The following GRK4 variants were observed in gnomAD, a reference collection of about 807,000 sequenced individuals.
GRK4 encodes G protein-coupled receptor kinase 4, also known as G protein-coupled receptor kinase 2-like.
In GRK4, 73 loss-of-function variants were observed where a neutral mutation model predicts 77.9. That is an observed-to-expected ratio of 0.94 (90% confidence interval 0.78 to 1.14). GRK4 has a LOEUF of 1.14. Among genes scored for constraint, GRK4 ranks in the 50% most tolerant of loss-of-function variants. GRK4 has a pLI of 0.00. For missense variants in GRK4, 729 were observed against 700.2 expected (o/e 1.04, Z -0.46); for synonymous variants, 257 against 254.4 (o/e 1.01, Z -0.10).
intron 6 of GRK4, 48 bp downstream of exon 6, chr4:3,007,876 G>A (rs1731764472): frequency 1.6e-6 from 2 of 1,272,848 alleles, no homozygotes; most frequent in African/African-American, 2.9e-5. Flanking sequence ...GGTGGCACAT[G>A]CCTGTAGTCC....
intron 1 of GRK4, among the ~76,000 whole-genome samples, chr4:2,970,349 T>C (rs1295137547): frequency 6.6e-6 from 1 of 152,188 alleles, no homozygotes; most frequent in African/African-American, 2.4e-5. Context: ...AAAATATCTA[T>C]ACCACTGATA....
rs1241071067 is a variant in GRK4, at chr4:2,994,582, A to G, written c.339+2290A>G. Among the ~76,000 whole-genome samples, 5 of 152,312 alleles carry G rather than the reference A, an allele frequency of 3.3e-5. No homozygotes were observed. In the South Asian group the frequency reaches 1.0e-3, roughly 32 times the overall value. On this transcript the variant is annotated intron_variant, in intron 4 of 15. Coordinates refer to ENST00000398052, the MANE Select transcript of GRK4 (RefSeq NM_182982.3). Reference sequence around the variant, plus strand: ...CTTCACCTCTTCTGAAGAAATACCCATATAGCAAGGGAGGGCATCAAGAAG... The same window carrying G: ...CTTCACCTCTTCTGAAGAAATACCCGTATAGCAAGGGAGGGCATCAAGAAG...
At chr4:2,967,859 C>T (rs1279062895) in intron 1 of GRK4, among the ~76,000 whole-genome samples, 1 of 151,992 alleles carries the variant, frequency 6.6e-6, no homozygotes, top group Non-Finnish European at 1.5e-5. Flanking sequence ...ATCGTGATCT[C>T]GGCTCACTGC....
chr4:3,026,230 C>T (rs748380249), intron 10 of GRK4, among the ~76,000 whole-genome samples: 3 of 152,212 alleles, frequency 2.0e-5, no homozygotes, highest in Non-Finnish European at 2.9e-5. Flanking sequence ...CAGCAGTGCA[C>T]GAGAGCACCT....
Position 2,964,152 on chromosome 4 carries a change from C to A in GRK4, c.52+30C>A, listed in dbSNP as rs749327248. ...GTGCGCGGCAGGCGCCCCCGACCCC[C>A]CCCCCAGAGAACCCCGAATCCCGGG... On this transcript the variant is annotated intron_variant, in intron 1 of 15. Coordinates refer to ENST00000398052, the MANE Select transcript of GRK4 (RefSeq NM_182982.3). The A allele has an allele frequency of 3.8e-6, 6 of 1,559,744 alleles. No homozygotes were observed. In the East Asian group the frequency reaches 6.9e-5, roughly 18 times the overall value.
intron 1 of GRK4, among the ~76,000 whole-genome samples, chr4:2,984,109 C>T (rs1723583704): frequency 6.6e-6 from 1 of 152,168 alleles, no homozygotes; most frequent in Non-Finnish European, 1.5e-5. Flanking sequence ...ATATCACTCC[C>T]TCACTTAGAA....
intron 3 of GRK4, among the ~76,000 whole-genome samples, chr4:2,991,164 C>T (rs532560590): frequency 1.8e-4 from 28 of 152,100 alleles, no homozygotes; most frequent in Non-Finnish European, 4.0e-4. Flanking sequence ...TAGGGCGGAC[C>T]GTCAGAAGGG....
chr4:3,003,299 C>T (rs535503457), intron 4 of GRK4, among the ~76,000 whole-genome samples: 4 of 152,234 alleles, frequency 2.6e-5, no homozygotes, highest in African/African-American at 7.2e-5. Context: ...AAGCAATTCT[C>T]GTGCCTCAGC....
chr4:2,972,018 C>T (rs1719699099), intron 1 of GRK4, among the ~76,000 whole-genome samples: 1 of 152,208 alleles, frequency 6.6e-6, no homozygotes. Flanking sequence ...TAGGGGCTAA[C>T]TGGGGAATAG....
At position 3,029,290 on chromosome 4, in the gene GRK4, T is replaced by C. The variant is rs540379295; in HGVS notation, c.1150T>C (p.Ser384Pro). The C allele has an allele frequency of 6.2e-7, 1 of 1,614,060 alleles. No homozygotes were observed. The highest frequency in any genetic ancestry group is 8.5e-7 in the Non-Finnish European group (1 of 1,179,926). ...CLIYEMIQGH[S>P]PFKKYKEKVK... ...GATCTATGAAATGATTCAGGGACAT[T>C]CTCCATTCAAAAAATACAAAGAGAA... Residue 384 changes from serine to proline, a missense_variant, in exon 12 of 16, where the codon TCT (serine) becomes CCT (proline). By Grantham distance (74) the Ser-to-Pro change is moderately conservative. Transcript: ENST00000398052.
At chr4:3,002,590 G>C (rs1295924792) in intron 4 of GRK4, among the ~76,000 whole-genome samples, 1 of 152,194 alleles carries the variant, frequency 6.6e-6, no homozygotes, top group Non-Finnish European at 1.5e-5. Context: ...TGTAATCCCA[G>C]CTGCTTGGGC....
At chr4:2,988,642 G>A (rs1333639875) in intron 2 of GRK4, 85 bp from the exon 3 acceptor site, 16 of 727,202 alleles carry the variant, frequency 2.2e-5, no homozygotes, top group Non-Finnish European at 3.0e-5. Flanking sequence ...TTACTGTATC[G>A]AGTGAGAACT....
At chr4:2,972,583 T>C (rs1402680874) in intron 1 of GRK4, among the ~76,000 whole-genome samples, 7 of 151,990 alleles carry the variant, frequency 4.6e-5, no homozygotes, top group African/African-American at 1.7e-4. Flanking sequence ...CTCTGTCCCT[T>C]AGACCAAGCC....
chr4:2,986,856 A>G (rs1166771942), intron 2 of GRK4: 1 of 339,726 alleles, frequency 2.9e-6, no homozygotes, highest in Admixed American at 4.1e-5. Flanking sequence ...TATATTTATA[A>G]AAATTAGTTT....
At chr4:2,979,737 T>C (rs764492279) in intron 1 of GRK4, among the ~76,000 whole-genome samples, 3 of 151,560 alleles carry the variant, frequency 2.0e-5, no homozygotes, top group Non-Finnish European at 2.9e-5. Context: ...AAAAAATCCA[T>C]GTGTGGTGGT....
At chr4:3,005,404 G>A (rs1381743736) in intron 5 of GRK4, among the ~76,000 whole-genome samples, 6 of 152,204 alleles carry the variant, frequency 3.9e-5, no homozygotes, top group Admixed American at 6.5e-5. Flanking sequence ...CGGCGAGGCC[G>A]TTGCAGCTCA....
In GRK4 at chr4:3,028,014, C is replaced by A. The variant is rs143147427; in HGVS notation, c.1060+13C>A. 1.7e-3 allele frequency: 2,707 copies of A among 1,611,672 alleles called. 43 individuals carry two copies. The African/African-American group carries it at 0.031, about 18-fold the overall frequency. On this transcript the variant is annotated intron_variant, in intron 11 of 15. Transcript: ENST00000398052. ...GTCGGCTACATGGGTTCGTGAGAGGCTTTCGGCGTCCTTGTCCTTTCTATC... is the reference window on the plus strand; with the variant it reads ...GTCGGCTACATGGGTTCGTGAGAGGATTTCGGCGTCCTTGTCCTTTCTATC...
At chr4:2,973,067 A>T (rs987019005) in intron 1 of GRK4, among the ~76,000 whole-genome samples, 5 of 152,192 alleles carry the variant, frequency 3.3e-5, no homozygotes, top group African/African-American at 1.2e-4. Context: ...GTGTGGGGTC[A>T]GTTAGATGCT....
At position 3,026,468 on chromosome 4, in the gene GRK4, G is replaced by A. The variant is rs183837604; in HGVS notation, c.971-1444G>A. On this transcript the variant is annotated intron_variant, in intron 10 of 15. Coordinates refer to ENST00000398052, the MANE Select transcript of GRK4 (RefSeq NM_182982.3). ...AAGCTGGCCAGGCACGGTGGCTCAC[G>A]CCTGTAATCCCAGCACTTTGGGAGG... Among the ~76,000 whole-genome samples, 4 of 152,282 alleles carry A rather than the reference G, an allele frequency of 2.6e-5. No individual in the cohort carries two copies. In the East Asian group the frequency reaches 7.7e-4, roughly 29 times the overall value.
Sources: allele counts gnomAD v4.1 joint callset (sites outside exome capture counted in the v4.1 genomes callset), GRCh38; gene constraint gnomAD v4.1.1; transcripts MANE v1.5; gene names NCBI Gene and HGNC (gene_info 2026-07-23, HGNC 2026-07-21).